PRSS38: variants seen among roughly 807,000 people sequenced by gnomAD.
PRSS38 encodes the protein serine protease 38, also known as marapsin 2.
A neutral mutation model predicts 26.8 loss-of-function variants in PRSS38; 22 were observed. The ratio of observed to expected loss-of-function variants is 0.82; its 90% confidence interval spans 0.59 to 1.17. PRSS38 has a LOEUF of 1.17. PRSS38 is among the 50% of genes most tolerant of loss of function. PRSS38 has a pLI of 0.00. For synonymous variants in PRSS38, 175 were observed against 172.1 expected (o/e 1.02, Z -0.13); for missense variants, 427 against 422.7 (o/e 1.01, Z -0.09).
chr1:227,822,509 C>T (rs1053367698), intron 3 of PRSS38, among the ~76,000 whole-genome samples: 1 of 152,098 alleles, frequency 6.6e-6, no homozygotes, highest in African/African-American at 2.4e-5. Context: ...AAATAAGATT[C>T]TCTCCAACCC....
At chr1:227,836,083 TTTTG>T (rs999903785) in intron 3 of PRSS38, among the ~76,000 whole-genome samples, 10 of 149,584 alleles carry the variant, frequency 6.7e-5, no homozygotes, top group Admixed American at 2.0e-4. Flanking sequence ...AAAAGAGAGA[TTTTG>T]TTTGTTTGTT....
exon 4 of PRSS38, chr1:227,845,484 G>A (rs780076401): frequency 2.5e-6 from 4 of 1,611,130 alleles, no homozygotes; most frequent in South Asian, 1.1e-5. Flanking sequence ...GACCTCAGAC[G>A]AGCTGCAGGA....
chr1:227,842,694 C>T (rs527287531), intron 3 of PRSS38, among the ~76,000 whole-genome samples: 3 of 152,154 alleles, frequency 2.0e-5, no homozygotes, highest in Non-Finnish European at 4.4e-5. Context: ...GATTCTCCTG[C>T]CTCAGCCTCC....
intron 3 of PRSS38, among the ~76,000 whole-genome samples, chr1:227,818,219 G>T (rs1340039678): frequency 6.6e-6 from 1 of 152,136 alleles, no homozygotes. Flanking sequence ...GGCCAGGCCT[G>T]GAGATTTCAG....
At chr1:227,817,355 T>C (rs1664937912) in exon 3 of PRSS38, 1 of 1,614,180 alleles carries the variant, frequency 6.2e-7, no homozygotes, top group African/African-American at 1.3e-5. Flanking sequence ...GACGTGGCCC[T>C]GGTGCAGCTG....
chr1:227,831,359 T>C (rs1203858147), intron 3 of PRSS38, among the ~76,000 whole-genome samples: 9 of 152,226 alleles, frequency 5.9e-5, no homozygotes. Flanking sequence ...TTAATGCCCT[T>C]GTGCTTAGAA....
chr1:227,842,596 T>C (rs1665354271), intron 3 of PRSS38, among the ~76,000 whole-genome samples: 1 of 151,642 alleles, frequency 6.6e-6, no homozygotes, highest in South Asian at 2.1e-4. Context: ...TTTTTTTTTT[T>C]GAGATGGAGT....
At chr1:227,832,559 T>C (rs1665167821) in intron 3 of PRSS38, among the ~76,000 whole-genome samples, 2 of 152,208 alleles carry the variant, frequency 1.3e-5, no homozygotes, top group African/African-American at 4.8e-5. Flanking sequence ...AATATAACAA[T>C]GGTTAAATAC....
chr1:227,825,158 G>A lies in PRSS38; in HGVS notation c.583+7678G>A, dbSNP rs145279231. Among the ~76,000 whole-genome samples, 1,329 of 152,204 alleles carry A rather than the reference G, an allele frequency of 8.7e-3. 27 individuals carry two copies. The highest frequency in any genetic ancestry group is 0.031 in the African/African-American group (1,278 of 41,538). On this transcript the variant is annotated intron_variant, in intron 3 of 4. Transcript: ENST00000366757. ...AAACCTTTGCCTGTGCCTATGTCCT[G>A]AATGGTATTGCCTAGATTTTCTTCT... is the stretch of plus-strand genomic sequence containing the variant.
intron 3 of PRSS38, among the ~76,000 whole-genome samples, chr1:227,835,500 C>G (rs12047364): frequency 0.41 from 62,589 of 152,066 alleles, 14,985 homozygotes; most frequent in Middle Eastern, 0.56. Context: ...AGCTAGTGTT[C>G]AAACAAGTAC....
exon 5 of PRSS38, chr1:227,846,095 G>A: frequency 6.2e-7 from 1 of 1,614,192 alleles, no homozygotes; most frequent in Non-Finnish European, 8.5e-7. Context: ...ATGGATATGT[G>A]ATAACATAGA....
intron 3 of PRSS38, among the ~76,000 whole-genome samples, chr1:227,820,856 T>C (rs1264339523): frequency 6.6e-6 from 1 of 152,224 alleles, no homozygotes; most frequent in Non-Finnish European, 1.5e-5. Context: ...CCTGTACTTT[T>C]CTTTGTTGGG....
intron 3 of PRSS38, among the ~76,000 whole-genome samples, chr1:227,833,001 A>C (rs1286473848): frequency 1.3e-5 from 2 of 152,246 alleles, no homozygotes; most frequent in Non-Finnish European, 2.9e-5. Flanking sequence ...AACTACATTG[A>C]AAACTATAGA....
intron 3 of PRSS38, among the ~76,000 whole-genome samples, chr1:227,825,337 A>C (rs1665057805): frequency 6.6e-6 from 1 of 152,088 alleles, no homozygotes; most frequent in Non-Finnish European, 1.5e-5. Flanking sequence ...GATTACAGGC[A>C]CATGCCACCA....
At chr1:227,843,041 T>C (rs1442427843) in intron 3 of PRSS38, among the ~76,000 whole-genome samples, 2 of 152,212 alleles carry the variant, frequency 1.3e-5, no homozygotes, top group Admixed American at 6.5e-5. Context: ...CCGTCTCTAA[T>C]GAGGACCGGC....
chr1:227,829,874 G>A (rs1287298883), intron 3 of PRSS38, among the ~76,000 whole-genome samples: 1 of 152,056 alleles, frequency 6.6e-6, no homozygotes, highest in African/African-American at 2.4e-5. Context: ...TCCTTGCCTT[G>A]TTCTTCATCT....
At chr1:227,844,752 C>T (rs1665393183) in intron 3 of PRSS38, among the ~76,000 whole-genome samples, 2 of 149,540 alleles carry the variant, frequency 1.3e-5, no homozygotes, top group Admixed American at 6.6e-5. Context: ...GGTGAGGGCT[C>T]CTCCTCATTT....
At chr1:227,839,310 A>C (rs913235373) in intron 3 of PRSS38, among the ~76,000 whole-genome samples, 1 of 151,968 alleles carries the variant, frequency 6.6e-6, no homozygotes, top group Admixed American at 6.5e-5. Flanking sequence ...AAAGGAAATA[A>C]AATAAAATAA....
chr1:227,846,150 C>T lies in PRSS38; in HGVS notation c.923C>T (p.Ala308Val), dbSNP rs1225044067. The T allele has an allele frequency of 6.2e-6, 10 of 1,613,624 alleles. No individual in the cohort carries two copies. Among genetic ancestry groups the T allele is most frequent in the Middle Eastern group, 1.6e-4 (1 of 6,072 alleles). Residue 308 changes from alanine to valine, a missense_variant, in exon 5 of 5, where the codon GCT becomes GTT. By Grantham distance (64) the Ala-to-Val change is moderately conservative. Transcript: ENST00000366757. ...CAGCCAGCCCCTGCTCTCTCTCCAG[C>T]TCTGGGGCCCACTCTCAGCGTCCTA...
Sources: allele counts gnomAD v4.1 joint callset (sites outside exome capture counted in the v4.1 genomes callset), GRCh38; gene constraint gnomAD v4.1.1; transcripts MANE v1.5; gene names NCBI Gene and HGNC (gene_info 2026-07-23, HGNC 2026-07-21).